Variants in CASP6 observed in about 807,000 individuals in gnomAD.
CASP6 encodes caspase-6.
Under a neutral mutation model 31.8 loss-of-function variants are expected in CASP6, and 20 were observed. The observed-to-expected ratio is 0.63, with a 90% CI of 0.44 to 0.91. The LOEUF is 0.91. Ranked by LOEUF, CASP6 falls within the 40% of genes least tolerant of loss-of-function variation. The pLI is 0.00. For synonymous variants in CASP6, 130 were observed against 127.8 expected (o/e 1.02, Z -0.12); for missense variants, 328 against 361.1 (o/e 0.91, Z 0.74).
downstream of CASP6, chr4:109,684,450 C>A: frequency 6.2e-7 from 1 of 1,608,246 alleles, no homozygotes; most frequent in Non-Finnish European, 8.5e-7. Flanking sequence ...CAGGTGAAAG[C>A]TGGAATAGAA....
In CASP6 at chr4:109,689,357, C is replaced by CTTTTTAGTTAG. The variant is rs751739412; in HGVS notation, c.844_854dup (p.Lys285AsnfsTer2). On this transcript the variant is annotated stop_gained and frameshift_variant, in exon 7 of 7. Coordinates refer to ENST00000265164, the MANE Select transcript of CASP6 (RefSeq NM_001226.4). LOFTEE classifies it high-confidence loss of function. Reference sequence around the variant, plus strand: ...AATTAGATTTTGGAAAGAAATGCAGCTTTTTAGTTAGCATTGAGGCAAAAC... The same window carrying CTTTTTAGTTAG: ...AATTAGATTTTGGAAAGAAATGCAGCTTTTTAGTTAGTTTTTAGTTAGCATTGAGGCAAAAC... 1 of 1,613,930 alleles carries CTTTTTAGTTAG rather than the reference C, an allele frequency of 6.2e-7. No individual in the cohort carries two copies. Among genetic ancestry groups the CTTTTTAGTTAG allele is most frequent in the Non-Finnish European group, 8.5e-7 (1 of 1,179,976 alleles).
At chr4:109,700,815 C>T (rs765952623) in intron 1 of CASP6, among the ~76,000 whole-genome samples, 15 of 152,260 alleles carry the variant, frequency 9.9e-5, no homozygotes, top group Non-Finnish European at 1.9e-4. Flanking sequence ...GACCTAAGTT[C>T]CAATACTTTT....
At chr4:109,682,535 CG>C in the CASP6 span, 1 of 1,504,600 alleles carries the variant, frequency 6.6e-7, no homozygotes, top group Non-Finnish European at 9.0e-7. Flanking sequence ...ACACACCCTG[CG>C]GGAACAATGT....
At chr4:109,690,236 TAA>T (rs751729227) in intron 6 of CASP6, among the ~76,000 whole-genome samples, 1 of 46,394 alleles carries the variant, frequency 2.2e-5, no homozygotes. Flanking sequence ...AGTGAGACTA[TAA>T]AAAAAAAAAA....
chr4:109,670,037 G>A, the CASP6 span, among the ~76,000 whole-genome samples: 1 of 152,156 alleles, frequency 6.6e-6, no homozygotes, highest in Non-Finnish European at 1.5e-5. Context: ...TGCTTATTCT[G>A]TCTGTTCAAA....
chr4:109,695,451 TCA>T (rs1730208606), intron 4 of CASP6, among the ~76,000 whole-genome samples: 1 of 152,064 alleles, frequency 6.6e-6, no homozygotes, highest in South Asian at 2.1e-4. Flanking sequence ...TGCTGCACTT[TCA>T]CTATAGGAAT....
In CASP6 at chr4:109,700,075, G is replaced by A. The variant is rs538083099; in HGVS notation, c.41-1733C>T. On this transcript the variant is annotated intron_variant, in intron 1 of 6. Transcript: ENST00000265164. ...TCTGCTCCATACTGACTGCTGAGCC[G>A]AAGGCGGCTCACAACCTAACTCATG... Among the ~76,000 whole-genome samples, 11 of 152,286 alleles carry A rather than the reference G, an allele frequency of 7.2e-5. No homozygotes were observed. The South Asian group carries it at 1.2e-3, about 17-fold the overall frequency.
the CASP6 span, among the ~76,000 whole-genome samples, chr4:109,679,921 C>T: frequency 6.6e-6 from 1 of 152,132 alleles, no homozygotes; most frequent in African/African-American, 2.4e-5. Flanking sequence ...CCTGCCTCAG[C>T]CTCCTGAGTA....
rs5030558 is a variant in CASP6, at chr4:109,696,910, C to G, written c.231-424G>C. 7.6e-3 allele frequency among the ~76,000 whole-genome samples: 1,155 copies of G among 151,842 alleles called. 14 individuals are homozygous for G. Among genetic ancestry groups the G allele is most frequent in the African/African-American group, 0.025 (1,050 of 41,398 alleles). On this transcript the variant is annotated intron_variant, in intron 3 of 6. Transcript: ENST00000265164. ...ATGCCATTCTCCTGCCTCAGCCTCC[C>G]GAGTAGCTGGGACTACAGGCTCCCA...
chr4:109,699,340 C>A (rs1360836821), intron 1 of CASP6, among the ~76,000 whole-genome samples: 1 of 152,118 alleles, frequency 6.6e-6, no homozygotes, highest in Non-Finnish European at 1.5e-5. Context: ...AGGGTTGGTT[C>A]CCCTCTCCTT....
At chr4:109,694,754 A>T in intron 4 of CASP6, 54 bp from the exon 5 acceptor site, 11 of 1,417,242 alleles carry the variant, frequency 7.8e-6, no homozygotes, top group Non-Finnish European at 1.0e-5. Flanking sequence ...CTTGTTATCT[A>T]CACATAAAAA....
Position 109,689,371 on chromosome 4 carries a change from T to C in CASP6, c.841A>G (p.Met281Val). Reference sequence around the variant, plus strand: ...AAGAAATGCAGCTTTTTAGTTAGCATTGAGGCAAAACAGGGAACCTGCTTC... The same window carrying C: ...AAGAAATGCAGCTTTTTAGTTAGCACTGAGGCAAAACAGGGAACCTGCTTC... ...GKKQVPCFAS[M>V]LTKKLHFFPK... Residue 281 changes from methionine to valine, a missense_variant, in exon 7 of 7, where the codon ATG becomes GTG. Coordinates refer to ENST00000265164, the MANE Select transcript of CASP6 (RefSeq NM_001226.4). The C allele has an allele frequency of 3.1e-6, 5 of 1,614,250 alleles. No individual in the cohort carries two copies. In the South Asian group the frequency reaches 4.4e-5, roughly 14 times the overall value.
At chr4:109,684,423 A>G (rs575900196), downstream of CASP6, 3 of 1,578,482 alleles carry the variant, frequency 1.9e-6, no homozygotes, top group South Asian at 3.5e-5. Flanking sequence ...CAGAATTAAC[A>G]GTTTTTCATT....
At chr4:109,689,678 T>G in intron 6 of CASP6, 110 bp from the exon 7 acceptor site, 1 of 960,702 alleles carries the variant, frequency 1.0e-6, no homozygotes. Flanking sequence ...AGAAGAGTCT[T>G]AAGATGTGTC....
At chr4:109,690,091 A>G (rs529513356) in intron 6 of CASP6, among the ~76,000 whole-genome samples, 2 of 151,754 alleles carry the variant, frequency 1.3e-5, no homozygotes, top group African/African-American at 4.8e-5. Flanking sequence ...AGGCTGAGGT[A>G]GGAGAATCAC....
At chr4:109,696,610 A>G (rs1730247147) in intron 3 of CASP6, 124 bp from the exon 4 acceptor site, 1 of 601,260 alleles carries the variant, frequency 1.7e-6, no homozygotes, top group Non-Finnish European at 2.9e-6. Flanking sequence ...GAGAAAAGAA[A>G]TGAAATATAA....
chr4:109,688,264 T>G (rs1483183164), downstream of CASP6: 1 of 152,260 alleles, frequency 6.6e-6, no homozygotes, highest in Non-Finnish European at 1.5e-5. Flanking sequence ...TCAGATTCTA[T>G]ATCATATTAA....
downstream of CASP6, among the ~76,000 whole-genome samples, chr4:109,686,266 T>C (rs1050983475): frequency 8.6e-5 from 13 of 152,026 alleles, no homozygotes; most frequent in Non-Finnish European, 1.5e-5. Context: ...GCCTCCTGAG[T>C]TAGCTGTGAT....
chr4:109,684,109 CTGGAGTGCAG>C (rs199500207), downstream of CASP6, among the ~76,000 whole-genome samples: 3,252 of 149,726 alleles, frequency 0.022, 109 homozygotes, highest in African/African-American at 0.077. Context: ...GTCGCCCAGG[CTGGAGTGCAG>C]TGGAGTGATC....
Sources: gnomAD v4.1 joint callset for allele counts (sites outside exome capture counted in the v4.1 genomes callset) on GRCh38, gnomAD v4.1.1 for gene constraint, MANE v1.5 for transcripts, NCBI Gene and HGNC (gene_info 2026-07-23, HGNC 2026-07-21) for gene names.